UROC1: variants seen among roughly 807,000 people sequenced by gnomAD.
UROC1 encodes the protein urocanate hydratase.
Under a neutral mutation model 89.5 loss-of-function variants are expected in UROC1, and 79 were observed. The ratio of observed to expected loss-of-function variants is 0.88; its 90% CI spans 0.74 to 1.06. The LOEUF is 1.06. UROC1 is among the 50% of genes least tolerant of loss of function. The pLI is 0.00. For synonymous variants in UROC1, 361 were observed against 354.8 expected, an observed-to-expected ratio of 1.02 and a Z score of -0.20; for missense variants, 885 against 907.8, an observed-to-expected ratio of 0.97 and a Z score of 0.32.
At chr3:126,512,935 G>A (rs899480451) in intron 1 of UROC1, among the ~76,000 whole-genome samples, 4 of 152,206 alleles carry the variant, frequency 2.6e-5, no homozygotes, top group African/African-American at 9.7e-5. Flanking sequence ...TGGAACTGCA[G>A]GAGAATAAAT....
intron 18 of UROC1, among the ~76,000 whole-genome samples, chr3:126,487,268 A>G (rs1010741569): frequency 2.6e-5 from 4 of 152,184 alleles, no homozygotes; most frequent in Non-Finnish European, 5.9e-5. Flanking sequence ...AGCCTCCTTC[A>G]GAGCCACTCT....
intron 3 of UROC1, 48 bp downstream of exon 3, chr3:126,509,537 T>C (rs1560127317): frequency 6.8e-7 from 1 of 1,476,544 alleles, no homozygotes; most frequent in Non-Finnish European, 9.3e-7. Flanking sequence ...GTGTCTCGTG[T>C]TCTGTTTCTG....
chr3:126,500,639 G>A, intron 11 of UROC1, 56 bp downstream of exon 11: 1 of 1,606,198 alleles, frequency 6.2e-7, no homozygotes, highest in Non-Finnish European at 8.5e-7. Flanking sequence ...GCCAGAGCAG[G>A]ACAAGGTGGT....
intron 1 of UROC1, among the ~76,000 whole-genome samples, chr3:126,512,711 C>T (rs541429265): frequency 6.6e-6 from 1 of 152,226 alleles, no homozygotes; most frequent in East Asian, 1.9e-4. Context: ...CAAAACTAGA[C>T]CCTGTCTCTA....
Position 126,507,832 on chromosome 3 carries a change from G to T in UROC1, c.541-29C>A, listed in dbSNP as rs755356126. On this transcript the variant is annotated intron_variant, in intron 5 of 19. Coordinates refer to ENST00000290868, the MANE Select transcript of UROC1 (RefSeq NM_144639.3). ...GAGAAGAGGATGGGGGCAGACAGAG[G>T]GGCTGAGGGCTTGGAGGGCGAGCAC... 6 of 1,613,986 alleles carry T rather than the reference G, an allele frequency of 3.7e-6. No individual in the cohort carries two copies. In the East Asian group the frequency reaches 1.1e-4, roughly 30 times the overall value.
rs777504504 is a variant in UROC1, at chr3:126,506,017, C to T, written c.603-6G>A. On this transcript the variant is annotated splice_region_variant and splice_polypyrimidine_tract_variant and intron_variant, in intron 6 of 19. Coordinates refer to ENST00000290868, the MANE Select transcript of UROC1 (RefSeq NM_144639.3). ...CTGCTGTCATCTGGCCGTACCTGAC[C>T]ACAGGGAGAGAAGCCAAGCCCAGGG... 6.2e-7 allele frequency: 1 copy of T among 1,613,404 alleles called. No homozygotes were observed. The highest frequency in any genetic ancestry group is 8.5e-7 in the Non-Finnish European group (1 of 1,180,038).
chr3:126,490,497 C>T (rs1935619712), intron 16 of UROC1, among the ~76,000 whole-genome samples: 1 of 152,144 alleles, frequency 6.6e-6, no homozygotes, highest in Non-Finnish European at 1.5e-5. Flanking sequence ...ACCAGCCTGG[C>T]CAACATGGCA....
chr3:126,494,578 G>C (rs902084467), intron 15 of UROC1, among the ~76,000 whole-genome samples: 2 of 152,180 alleles, frequency 1.3e-5, no homozygotes, highest in African/African-American at 2.4e-5. Context: ...TGGGACTCCT[G>C]GGCCAAGACC....
At chr3:126,501,166 G>A (rs1329855674) in intron 10 of UROC1, 52 bp downstream of exon 10, 2 of 1,598,538 alleles carry the variant, frequency 1.3e-6, no homozygotes, top group East Asian at 4.5e-5. Context: ...CTTTGCTCAG[G>A]GGGCCCCATC....
chr3:126,482,557 C>T, intron 19 of UROC1, 72 bp from the exon 20 acceptor site: 1 of 1,609,888 alleles, frequency 6.2e-7, no homozygotes, highest in Non-Finnish European at 8.5e-7. Context: ...GGCTCCCACA[C>T]TTGGGGCCTC....
chr3:126,508,157 A>T (rs1936113692), intron 4 of UROC1, 62 bp from the exon 5 acceptor site: 1 of 1,611,790 alleles, frequency 6.2e-7, no homozygotes. Flanking sequence ...ACCCAGCCCC[A>T]CACCACCGTC....
intron 13 of UROC1, 123 bp from the exon 14 acceptor site, chr3:126,498,295 G>A: frequency 6.5e-7 from 1 of 1,545,442 alleles, no homozygotes; most frequent in Non-Finnish European, 8.8e-7. Context: ...CCCCTAAGCT[G>A]TCATTGGACA....
chr3:126,497,454 C>T (rs986945835), intron 14 of UROC1, among the ~76,000 whole-genome samples: 1 of 152,222 alleles, frequency 6.6e-6, no homozygotes, highest in African/African-American at 2.4e-5. Flanking sequence ...TCAGCATCAG[C>T]AAAACCCAGG....
intron 14 of UROC1, among the ~76,000 whole-genome samples, chr3:126,497,641 T>C (rs959989566): frequency 6.6e-6 from 1 of 152,164 alleles, no homozygotes; most frequent in African/African-American, 2.4e-5. Flanking sequence ...AGAGGGACTG[T>C]GGTGTGCTGC....
chr3:126,510,920 C>T, intron 1 of UROC1, 126 bp from the exon 2 acceptor site: 1 of 1,406,522 alleles, frequency 7.1e-7, no homozygotes, highest in Non-Finnish European at 9.5e-7. Context: ...CTGTTGCCCA[C>T]CCAGAGACTG....
intron 19 of UROC1, 32 bp downstream of exon 19, chr3:126,483,337 T>C: frequency 6.3e-7 from 1 of 1,594,424 alleles, no homozygotes; most frequent in Non-Finnish European, 8.6e-7. Flanking sequence ...AGGCCCTGCC[T>C]TCAGGAGGTG....
chr3:126,483,601 A>G, intron 18 of UROC1, 133 bp from the exon 19 acceptor site: 1 of 809,900 alleles, frequency 1.2e-6, no homozygotes, highest in Non-Finnish European at 2.0e-6. Context: ...CAGCCTCTGC[A>G]ACCTGGTGGA....
intron 14 of UROC1, among the ~76,000 whole-genome samples, chr3:126,496,650 G>A (rs1381119040): frequency 6.6e-6 from 1 of 152,260 alleles, no homozygotes; most frequent in Non-Finnish European, 1.5e-5. Flanking sequence ...ATGTGTGCAT[G>A]TGAGAGGGCA....
In UROC1 at chr3:126,508,492, G is replaced by T. The variant is rs1560126836; in HGVS notation, c.352-17C>A. ...CTGGGGAAACTGAGGAAGACACGGG[G>T]TCATCTGAGATGAGGGCCTGGGAAG... On this transcript the variant is annotated splice_polypyrimidine_tract_variant and intron_variant, in intron 3 of 19. Coordinates refer to ENST00000290868, the MANE Select transcript of UROC1 (RefSeq NM_144639.3). 1 of 1,611,206 alleles carries T rather than the reference G, an allele frequency of 6.2e-7. No individual in the cohort carries two copies. The highest frequency in any genetic ancestry group is 1.1e-5 in the South Asian group (1 of 90,676).
Sources: gnomAD v4.1 joint callset for allele counts (sites outside exome capture counted in the v4.1 genomes callset) on GRCh38, gnomAD v4.1.1 for gene constraint, MANE v1.5 for transcripts, NCBI Gene and HGNC (gene_info 2026-07-23, HGNC 2026-07-21) for gene names.